The following SCAI variants were observed in gnomAD, a reference collection of about 807,000 sequenced individuals.
SCAI encodes the protein suppressor of cancer cell invasion.
A neutral mutation model predicts 92.2 loss-of-function variants in SCAI; 24 were observed. That is an observed-to-expected ratio of 0.26 (90% CI 0.19 to 0.37). The LOEUF is 0.37. SCAI is among the 10% of genes least tolerant of loss of function. SCAI has a pLI of 1.00. For synonymous variants in SCAI, 261 were observed against 258.6 expected (o/e 1.01, Z -0.09); for missense variants, 450 against 736.2 (o/e 0.61, Z 4.50).
chr9:125,041,269 C>G (rs78889861), intron 3 of SCAI, among the ~76,000 whole-genome samples: 1,771 of 152,156 alleles, frequency 0.012, 24 homozygotes, highest in African/African-American at 0.039. Context: ...TTTTTTATGT[C>G]TCCACGGATC....
intron 2 of SCAI, among the ~76,000 whole-genome samples, chr9:125,088,676 C>T (rs1253219139): frequency 6.6e-6 from 1 of 152,194 alleles, no homozygotes; most frequent in Non-Finnish European, 1.5e-5. Flanking sequence ...TGGGGTCTCG[C>T]TATTTTGCCC....
rs1367967953 is a variant in SCAI at position 124,943,451 on chromosome 9, GAC to G, written c.*9354_*9355del. 1.3e-5 allele frequency: 2 copies of G among 152,148 alleles called. No homozygotes were observed. The highest frequency in any genetic ancestry group is 4.8e-5 in the African/African-American group (2 of 41,430). 9.4% of individuals were successfully genotyped at this position (152,148 alleles called of 1,614,324 possible). On this transcript the variant is annotated 3_prime_UTR_variant, in exon 18 of 18. Coordinates refer to ENST00000336505, the MANE Select transcript of SCAI (RefSeq NM_001144877.3). The stretch of plus-strand genomic sequence containing the variant: ...AACCAAATAGCTTCATTATTTGCAC[GAC>G]AGATTAGCAGCACTTGGATAAGAAT...
intron 9 of SCAI, among the ~76,000 whole-genome samples, chr9:125,008,842 T>C (rs1832569901): frequency 6.6e-6 from 1 of 152,068 alleles, no homozygotes; most frequent in African/African-American, 2.4e-5. Flanking sequence ...ACCCATAGAT[T>C]CAAGAAACTC....
chr9:124,972,282 T>C (rs1158064999), intron 15 of SCAI, among the ~76,000 whole-genome samples: 2 of 152,202 alleles, frequency 1.3e-5, no homozygotes, highest in African/African-American at 4.8e-5. Context: ...CATTGCTGAC[T>C]GCTCTCACTC....
intron 17 of SCAI, among the ~76,000 whole-genome samples, chr9:124,965,539 A>C (rs1318244222): frequency 6.6e-6 from 1 of 152,150 alleles, no homozygotes; most frequent in African/African-American, 2.4e-5. Flanking sequence ...CCGGCCTGTA[A>C]GTATGTCTTA....
rs914619216 is a variant in SCAI, at chr9:124,943,359, A to G, written c.*9448T>C. ...TAAAGTATTAACTCACAATATCCAA[A>G]TATTAATACAAATGAACGACAAGAT... On this transcript the variant is annotated 3_prime_UTR_variant, in exon 18 of 18. Coordinates refer to ENST00000336505, the MANE Select transcript of SCAI (RefSeq NM_001144877.3). 6.6e-6 allele frequency: 1 copy of G among 151,964 alleles called. No individual in the cohort carries two copies. Among genetic ancestry groups the G allele is most frequent in the African/African-American group, 2.4e-5 (1 of 41,458 alleles). 9.4% of individuals were successfully genotyped at this position (151,964 alleles called of 1,614,324 possible). A position where few individuals can be genotyped will look rare whatever the true frequency, so the allele number is the denominator to read the frequency against.
At chr9:125,044,841 CCAT>C (rs1018011307) in intron 3 of SCAI, among the ~76,000 whole-genome samples, 15 of 152,176 alleles carry the variant, frequency 9.9e-5, no homozygotes, top group Non-Finnish European at 1.8e-4. Flanking sequence ...GGCACCACCA[CCAT>C]GTTCCCCTCG....
At chr9:125,112,197 A>G (rs1447757488) in intron 2 of SCAI, among the ~76,000 whole-genome samples, 1 of 152,202 alleles carries the variant, frequency 6.6e-6, no homozygotes, top group Non-Finnish European at 1.5e-5. Context: ...CTAAACGGTG[A>G]TCTGATCCAC....
chr9:125,005,522 G>A (rs1832486631), intron 9 of SCAI, among the ~76,000 whole-genome samples: 1 of 151,854 alleles, frequency 6.6e-6, no homozygotes, highest in South Asian at 2.1e-4. Context: ...GTAGAGGCGG[G>A]GTTTCACCAT....
Position 125,100,884 on chromosome 9 carries a change from A to G in SCAI, c.98+41749T>C, listed in dbSNP as rs558988516. On this transcript the variant is annotated intron_variant, in intron 2 of 17. Coordinates refer to ENST00000336505, the MANE Select transcript of SCAI (RefSeq NM_001144877.3). ...GAAAAGAGCAAGTGCACAGGCCCCG[A>G]GTTAGCTTGCCTGATGTGTTTGAGC... Among the ~76,000 whole-genome samples, 8 of 152,330 alleles carry G rather than the reference A, an allele frequency of 5.3e-5. No individual in the cohort carries two copies. The East Asian group carries it at 1.5e-3, about 29-fold the overall frequency.
chr9:124,978,563 C>CAA (rs1489922272), intron 14 of SCAI, among the ~76,000 whole-genome samples: 1 of 152,180 alleles, frequency 6.6e-6, no homozygotes. Flanking sequence ...GATATAAACA[C>CAA]TTTAGAAGAC....
chr9:124,966,316 G>A (rs1831541296), intron 17 of SCAI, among the ~76,000 whole-genome samples: 1 of 149,678 alleles, frequency 6.7e-6, no homozygotes, highest in Admixed American at 6.8e-5. Flanking sequence ...CTATGAGTGA[G>A]AACATGCGGT....
chr9:125,123,216 A>G (rs942544697), intron 2 of SCAI, among the ~76,000 whole-genome samples: 8 of 152,176 alleles, frequency 5.3e-5, no homozygotes, highest in Admixed American at 1.3e-4. Context: ...ACAAAAAATC[A>G]GCCAGGTGTG....
chr9:125,135,988 A>AAC (rs1174391997), intron 2 of SCAI, among the ~76,000 whole-genome samples: 3 of 150,972 alleles, frequency 2.0e-5, no homozygotes, highest in African/African-American at 7.3e-5. Context: ...AAAAAAAACA[A>AAC]AAAAAAAACC....
intron 2 of SCAI, among the ~76,000 whole-genome samples, chr9:125,078,341 A>G (rs117231373): frequency 0.013 from 1,950 of 152,220 alleles, 102 homozygotes; most frequent in Admixed American, 0.082. Flanking sequence ...AGCCTGGCAA[A>G]TGTGATGAAA....
intron 2 of SCAI, among the ~76,000 whole-genome samples, chr9:125,083,076 G>C (rs2131183102): frequency 6.6e-6 from 1 of 152,304 alleles, no homozygotes; most frequent in Admixed American, 6.5e-5. Context: ...TGTGTTGTGG[G>C]AGGGACCCGG....
chr9:125,107,083 G>C (rs545611531), intron 2 of SCAI, among the ~76,000 whole-genome samples: 1 of 151,750 alleles, frequency 6.6e-6, no homozygotes, highest in South Asian at 2.1e-4. Flanking sequence ...TAGGTTTCAA[G>C]AAATGAAAAC....
intron 14 of SCAI, among the ~76,000 whole-genome samples, chr9:124,993,870 A>C (rs1259874178): frequency 6.6e-6 from 1 of 152,116 alleles, no homozygotes; most frequent in African/African-American, 2.4e-5. Context: ...CAACAGAAAC[A>C]GTTTGAAGTG....
chr9:125,074,605 T>C (rs866841071), intron 2 of SCAI, among the ~76,000 whole-genome samples: 5 of 152,036 alleles, frequency 3.3e-5, no homozygotes, highest in South Asian at 4.2e-4. Flanking sequence ...AAAGAACAGA[T>C]AGAATCTCCT....
Sources: gnomAD v4.1 joint callset for allele counts (sites outside exome capture counted in the v4.1 genomes callset) on GRCh38, gnomAD v4.1.1 for gene constraint, MANE v1.5 for transcripts, NCBI Gene and HGNC (gene_info 2026-07-23, HGNC 2026-07-21) for gene names.